POFUT3: variants seen among roughly 807,000 people sequenced by gnomAD.
POFUT3 encodes protein O-fucosyltransferase 3.
At chr8:33,313,015 T>C in the POFUT3 span, among the ~76,000 whole-genome samples, 17 of 152,300 alleles carry the variant, frequency 1.1e-4, 1 homozygote, top group South Asian at 3.5e-3. Flanking sequence ...TTAATTAATA[T>C]GTACTGAGTA....
the POFUT3 span, among the ~76,000 whole-genome samples, chr8:33,423,818 T>TAAAAAAAAA: frequency 1.1e-4 from 8 of 70,136 alleles, no homozygotes; most frequent in South Asian, 8.1e-4. Flanking sequence ...GCACACCAAG[T>TAAAAAAAAA]AAAAAAAAAA....
the POFUT3 span, among the ~76,000 whole-genome samples, chr8:33,355,331 A>G: frequency 3.9e-5 from 6 of 152,224 alleles, no homozygotes; most frequent in African/African-American, 1.4e-4. Flanking sequence ...AAAGGTTATA[A>G]GAGTACAACT....
the POFUT3 span, among the ~76,000 whole-genome samples, chr8:33,318,784 TTATATA>T: frequency 1.9e-5 from 1 of 53,744 alleles, no homozygotes; most frequent in Non-Finnish European, 2.7e-5. Context: ...TTATATATAT[TTATATA>T]ATATATATAT....
At chr8:33,309,138 TAAAAAAAAAAAAAAAAAAAAA>T in the POFUT3 span, among the ~76,000 whole-genome samples, 2,091 of 41,114 alleles carry the variant, frequency 0.051, 53 homozygotes, top group South Asian at 0.089. Context: ...CTGGGGAGTG[TAAAAAAAAAAAAAAAAAAAAA>T]AAAAAAAAAT....
the POFUT3 span, among the ~76,000 whole-genome samples, chr8:33,380,189 C>CTATA: frequency 2.5e-5 from 1 of 39,880 alleles, no homozygotes; most frequent in African/African-American, 1.4e-4. Flanking sequence ...TATATATATA[C>CTATA]TATATATATA....
the POFUT3 span, among the ~76,000 whole-genome samples, chr8:33,448,700 G>A: frequency 6.6e-6 from 1 of 152,122 alleles, no homozygotes; most frequent in African/African-American, 2.4e-5. Flanking sequence ...TTGGGAGGCT[G>A]AGGCAGGTGG....
the POFUT3 span, among the ~76,000 whole-genome samples, chr8:33,356,308 T>C: frequency 2.0e-5 from 3 of 152,204 alleles, no homozygotes; most frequent in African/African-American, 7.2e-5. Context: ...AGTGTTCCTA[T>C]TTCTCCACAT....
chr8:33,367,036 G>A, the POFUT3 span, among the ~76,000 whole-genome samples: 2 of 152,118 alleles, frequency 1.3e-5, no homozygotes, highest in African/African-American at 2.4e-5. Context: ...CTGAGGTCAG[G>A]AGGTCGAGAC....
the POFUT3 span, among the ~76,000 whole-genome samples, chr8:33,401,627 G>A: frequency 2.6e-5 from 4 of 152,052 alleles, no homozygotes; most frequent in Non-Finnish European, 5.9e-5. Context: ...TACATATAAA[G>A]CTACCCTATT....
At chr8:33,347,599 A>G in the POFUT3 span, among the ~76,000 whole-genome samples, 1 of 152,232 alleles carries the variant, frequency 6.6e-6, no homozygotes, top group Non-Finnish European at 1.5e-5. Flanking sequence ...ATAAACCATG[A>G]ACTGGCAATA....
At chr8:33,361,667 A>G in the POFUT3 span, among the ~76,000 whole-genome samples, 12 of 152,338 alleles carry the variant, frequency 7.9e-5, no homozygotes, top group South Asian at 1.4e-3. Flanking sequence ...CATTTGCCCA[A>G]AATAATTCCT....
chr8:33,379,846 A>ATATAT, the POFUT3 span, among the ~76,000 whole-genome samples: 1 of 102,184 alleles, frequency 9.8e-6, no homozygotes, highest in African/African-American at 4.5e-5. Context: ...AAAAAAAAAA[A>ATATAT]ATATATATAT....
chr8:33,336,793 G>T, the POFUT3 span, among the ~76,000 whole-genome samples: 19 of 152,304 alleles, frequency 1.2e-4, no homozygotes, highest in Admixed American at 1.2e-3. Flanking sequence ...TCCTGCCCAA[G>T]AGTAGACATT....
the POFUT3 span, among the ~76,000 whole-genome samples, chr8:33,316,106 C>T: frequency 6.6e-6 from 1 of 152,120 alleles, no homozygotes. Context: ...GTTCATGCTG[C>T]ACTTCTCATC....
At chr8:33,432,492 A>G in the POFUT3 span, among the ~76,000 whole-genome samples, 1 of 152,194 alleles carries the variant, frequency 6.6e-6, no homozygotes, top group Non-Finnish European at 1.5e-5. Flanking sequence ...ATGGGTAAGA[A>G]ACAAAATGCT....
chr8:33,405,345 G>A, the POFUT3 span, among the ~76,000 whole-genome samples: 709 of 152,094 alleles, frequency 4.7e-3, 8 homozygotes, highest in African/African-American at 0.013. Flanking sequence ...CCACTACATC[G>A]TCTTAAGAAC....
At chr8:33,369,866 A>G in the POFUT3 span, among the ~76,000 whole-genome samples, 1 of 152,106 alleles carries the variant, frequency 6.6e-6, no homozygotes, top group Admixed American at 6.6e-5. Context: ...CTAGTCCTTA[A>G]CAGCAACAAA....
At chr8:33,338,841 G>C in the POFUT3 span, 2 of 151,990 alleles carry the variant, frequency 1.3e-5, no homozygotes, top group Non-Finnish European at 2.9e-5. Flanking sequence ...AAAACAAAAG[G>C]CTTAAATAAG....
the POFUT3 span, among the ~76,000 whole-genome samples, chr8:33,422,602 G>A: frequency 7.2e-6 from 1 of 139,042 alleles, no homozygotes; most frequent in African/African-American, 2.7e-5. Context: ...CAAAGTTGTT[G>A]CCCCTCCACC....
Sources: gnomAD v4.1 joint callset for allele counts (sites outside exome capture counted in the v4.1 genomes callset) on GRCh38, gnomAD v4.1.1 for gene constraint, MANE v1.5 for transcripts, NCBI Gene and HGNC (gene_info 2026-07-23, HGNC 2026-07-21) for gene names.